Variants in RAB11FIP1 observed in about 807,000 individuals in gnomAD.
The protein encoded by RAB11FIP1 is rab11 family-interacting protein 1.
A neutral mutation model predicts 83.1 loss-of-function variants in RAB11FIP1; 49 were observed. That is an observed-to-expected ratio of 0.59 (90% CI 0.47 to 0.75). The LOEUF (loss-of-function observed/expected upper bound fraction) is 0.75, where lower values mean the gene tolerates loss of function less well. RAB11FIP1 is among the 30% of genes least tolerant of loss of function. The pLI, the probability that RAB11FIP1 is intolerant of heterozygous loss-of-function variation, is 0.00. For synonymous variants in RAB11FIP1, 670 were observed against 656.0 expected, an observed-to-expected ratio of 1.02 and a Z score of -0.33; for missense variants, 1,536 against 1,598.7, an observed-to-expected ratio of 0.96 and a Z score of 0.67.
In RAB11FIP1 at chr8:37,862,999, C is replaced by T. The variant is rs61747433; in HGVS notation, c.3748G>A (p.Glu1250Lys). Residue 1250 changes from glutamate (E) to lysine (K), a missense_variant, in exon 6 of 6, where the codon GAG (glutamate) becomes AAG (lysine). Physicochemically the swap from Glu to Lys is moderately conservative, Grantham distance 56 (BLOSUM62 1). Coordinates refer to ENST00000330843, the MANE Select transcript of RAB11FIP1 (RefSeq NM_001002814.3). Reference protein sequence around the residue: ...TISKKEFQVRELEDYIDNLLV... With the variant: ...TISKKEFQVRKLEDYIDNLLV... ...AGGTTGTCAATGTAGTCTTCCAGCT[C>T]GCGGACCTGGAACTCCTTCTTGCTT... is the stretch of plus-strand genomic sequence containing the variant. 29 of 1,613,638 alleles carry T rather than the reference C, an allele frequency of 1.8e-5. No homozygotes were observed. In the African/African-American group the frequency reaches 2.8e-4, roughly 16 times the overall value.
At position 37,874,842 on chromosome 8, in the gene RAB11FIP1, C is replaced by T; in HGVS notation, c.1295G>A (p.Arg432Lys). 6 of 1,614,200 alleles carry T rather than the reference C, an allele frequency of 3.7e-6. No homozygotes were observed. The highest frequency in any genetic ancestry group is 4.2e-6 in the Non-Finnish European group (5 of 1,180,028). Residue 432 changes from arginine (R) to lysine (K), a missense_variant, in exon 3 of 6, where the codon AGG becomes AAG. Physicochemically the swap from Arg to Lys is conservative, Grantham distance 26 (BLOSUM62 2). Transcript: ENST00000330843. ...EAKESKKPES[R>K]RSSLLSLMTG... is the part of the protein sequence containing the mutation. ...CATCAGAGACAGCAAAGAGGACCTC[C>T]TGCTCTCTGGCTTCTTGCTCTCCTT...
intron 5 of RAB11FIP1, among the ~76,000 whole-genome samples, chr8:37,865,341 A>G (rs1429823973): frequency 7.0e-6 from 1 of 142,734 alleles, no homozygotes; most frequent in African/African-American, 2.6e-5. Flanking sequence ...TTTTTTTGAG[A>G]CAGATTCTCA....
At chr8:37,885,759 C>T (rs551754734) in intron 1 of RAB11FIP1, among the ~76,000 whole-genome samples, 1 of 152,208 alleles carries the variant, frequency 6.6e-6, no homozygotes, top group African/African-American at 2.4e-5. Flanking sequence ...TGCCTGCATC[C>T]ATACTGTGAA....
intron 5 of RAB11FIP1, among the ~76,000 whole-genome samples, chr8:37,866,292 G>A (rs1319112724): frequency 1.3e-5 from 2 of 151,260 alleles, no homozygotes; most frequent in Non-Finnish European, 2.9e-5. Flanking sequence ...CCAAGATCGT[G>A]CCACTGCACT....
chr8:37,872,407 G>C lies in RAB11FIP1; in HGVS notation c.2395C>G (p.Arg799Gly), dbSNP rs200221818. ...RKLEEMGLNL[R>G]KDQKKTKKRV... Reference sequence around the variant, plus strand: ...TTCTTGGTTTTCTTCTGGTCCTTGCGGAGGTTCAGACCCATCTCTTCCAGC... The same window carrying C: ...TTCTTGGTTTTCTTCTGGTCCTTGCCGAGGTTCAGACCCATCTCTTCCAGC... Residue 799 changes from arginine to glycine, a missense_variant, in exon 4 of 6, where the codon CGC becomes GGC. Coordinates refer to ENST00000330843, the MANE Select transcript of RAB11FIP1 (RefSeq NM_001002814.3). 12 of 1,614,108 alleles carry C rather than the reference G, an allele frequency of 7.4e-6. No homozygotes were observed. The highest frequency in any genetic ancestry group is 1.0e-5 in the Non-Finnish European group (12 of 1,180,012).
intron 4 of RAB11FIP1, chr8:37,871,066 A>T (rs752012654): frequency 1.7e-6 from 1 of 579,166 alleles, no homozygotes; most frequent in Non-Finnish European, 2.9e-6. Flanking sequence ...ACAATTCCTA[A>T]GCTATATTTA....
chr8:37,885,043 G>A lies in RAB11FIP1; in HGVS notation c.372-7492C>T, dbSNP rs569563288. On this transcript the variant is annotated intron_variant, in intron 1 of 5. Coordinates refer to ENST00000330843, the MANE Select transcript of RAB11FIP1 (RefSeq NM_001002814.3). ...GGAGTCTCACCGTGTTGCACAGGCT[G>A]GAGTGCAGTGGCGTGATCTCGGCTC... 2.3e-4 allele frequency among the ~76,000 whole-genome samples: 35 copies of A among 149,844 alleles called. No individual in the cohort carries two copies. In the South Asian group the frequency reaches 7.2e-3, roughly 31 times the overall value.
rs572628659 is a variant in RAB11FIP1, at chr8:37,887,074, T to C, written c.372-9523A>G. Among the ~76,000 whole-genome samples the C allele has an allele frequency of 3.1e-3, 468 of 152,272 alleles. 5 individuals carry two copies. Among genetic ancestry groups the C allele is most frequent in the African/African-American group, 0.011 (454 of 41,558 alleles). Reference sequence around the variant, plus strand: ...GAATTACCCATCAGCCGACATTGCCTCCCTAGACCTTGCCCTCTGCCCATT... The same window carrying C: ...GAATTACCCATCAGCCGACATTGCCCCCCTAGACCTTGCCCTCTGCCCATT... On this transcript the variant is annotated intron_variant, in intron 1 of 5. Transcript: ENST00000330843.
At position 37,873,275 on chromosome 8, in the gene RAB11FIP1, C is replaced by A. The variant is rs117958640; in HGVS notation, c.1623-96G>T. The A allele has an allele frequency of 3.0e-6, 4 of 1,317,360 alleles. No individual in the cohort carries two copies. The African/African-American group carries it at 4.4e-5, about 15-fold the overall frequency. The allele number at this position is 1,317,360 out of a possible 1,614,324, so 81.6% of individuals were successfully genotyped here. A position where few individuals can be genotyped will look rare whatever the true frequency, so the allele number is the denominator to read the frequency against. On this transcript the variant is annotated intron_variant, in intron 3 of 5. Transcript: ENST00000330843. Reference sequence around the variant, plus strand: ...AAACAAGTCATTCACCAGGGGAGAACGTCTTTACACGTGGGGCAGTACCTT... The same window carrying A: ...AAACAAGTCATTCACCAGGGGAGAAAGTCTTTACACGTGGGGCAGTACCTT...
In RAB11FIP1 at chr8:37,870,451, C is replaced by A. The variant is rs773396449; in HGVS notation, c.3602G>T (p.Ser1201Ile). Residue 1201 changes from serine (S) to isoleucine (I), a missense_variant, in exon 5 of 6, where the codon AGT becomes ATT. Transcript: ENST00000330843. ...CATGACCTCATTGTTCAAGTTCTCA[C>A]TGATGATGGTGGCAGTTCCCAAGCT... The part of the protein sequence containing the change: ...NCSLGTATII[S>I]ENLNNEVMMK... 4.3e-6 allele frequency: 7 copies of A among 1,610,452 alleles called. No individual in the cohort carries two copies. In the Admixed American group the frequency reaches 5.0e-5, roughly 12 times the overall value.
intron 1 of RAB11FIP1, among the ~76,000 whole-genome samples, chr8:37,892,630 A>G (rs1585448674): frequency 1.3e-5 from 2 of 152,064 alleles, no homozygotes; most frequent in African/African-American, 4.8e-5. Flanking sequence ...TACTTTTAGT[A>G]GAGCCCATGT....
rs1585423554 is a variant in RAB11FIP1 at position 37,860,829 on chromosome 8, G to C, written c.*2066C>G. ...ATTAAAAGCTAATTAGATAAATCAA[G>C]TTACAGTATCATCCTTCAGATTAAA... is the stretch of plus-strand genomic sequence containing the variant. On this transcript the variant is annotated 3_prime_UTR_variant, in exon 6 of 6. Coordinates refer to ENST00000330843, the MANE Select transcript of RAB11FIP1 (RefSeq NM_001002814.3). The C allele has an allele frequency of 6.6e-6, 1 of 152,612 alleles. No homozygotes were observed. Among genetic ancestry groups the C allele is most frequent in the Admixed American group, 6.5e-5 (1 of 15,280 alleles). 9.5% of individuals were successfully genotyped at this position (152,612 alleles called of 1,614,324 possible). A position where few individuals can be genotyped will look rare whatever the true frequency, so the allele number is the denominator to read the frequency against.
rs1400536550 is a variant in RAB11FIP1 at position 37,872,464 on chromosome 8, A to G, written c.2338T>C (p.Ser780Pro). ...ATCATGGAATCAATGGAAGGGACTGATGCTCCCATGGGAAGAGGGGGCGCC... is the reference window on the plus strand; with the variant it reads ...ATCATGGAATCAATGGAAGGGACTGGTGCTCCCATGGGAAGAGGGGGCGCC... ...EVAPPLPMGA[S>P]VPSIDSMMRK... Residue 780 changes from serine to proline, a missense_variant, in exon 4 of 6, where the codon TCA becomes CCA. Coordinates refer to ENST00000330843, the MANE Select transcript of RAB11FIP1 (RefSeq NM_001002814.3). The G allele has an allele frequency of 6.2e-7, 1 of 1,614,112 alleles. No individual in the cohort carries two copies. Among genetic ancestry groups the G allele is most frequent in the South Asian group, 1.1e-5 (1 of 91,084 alleles).
chr8:37,870,505 T>C lies in RAB11FIP1; in HGVS notation c.3548A>G (p.Asn1183Ser). 1 of 1,591,858 alleles carries C rather than the reference T, an allele frequency of 6.3e-7. No individual in the cohort carries two copies. The highest frequency in any genetic ancestry group is 1.1e-5 in the South Asian group (1 of 90,392). ...KHRLHPVKPM[N>S]AMATKVANCS... ...GTTAGCAACCTTGGTGGCCATTGCA[T>C]TCATTGGCTTCACAGGATGAAGTCT... Residue 1183 changes from asparagine (N) to serine (S), a missense_variant, in exon 5 of 6, where the codon AAT becomes AGT. Asn to Ser is a conservative substitution (Grantham distance 46). Transcript: ENST00000330843.
intron 4 of RAB11FIP1, 135 bp from the exon 5 acceptor site, chr8:37,870,663 A>C: frequency 1.7e-6 from 1 of 573,108 alleles, no homozygotes; most frequent in Non-Finnish European, 3.1e-6. Flanking sequence ...TCTGGGCCAA[A>C]GCACTCCAAT....
At chr8:37,886,750 T>C (rs369659174) in intron 1 of RAB11FIP1, among the ~76,000 whole-genome samples, 7 of 152,230 alleles carry the variant, frequency 4.6e-5, no homozygotes, top group South Asian at 4.1e-4. Context: ...CTTTCTTAGA[T>C]GAAGAAATTT....
At position 37,877,447 on chromosome 8, in the gene RAB11FIP1, T is replaced by A. The variant is rs766404618; in HGVS notation, c.476A>T (p.Asp159Val). The change falls in exon 2 of 6, where the codon GAC becomes GTC. Residue 159 changes from aspartate (D) to valine (V), a missense_variant. Physicochemically the swap from Asp to Val is radical, Grantham distance 152. Coordinates refer to ENST00000330843, the MANE Select transcript of RAB11FIP1 (RefSeq NM_001002814.3). ...MRNNMTASMF[D>V]LSMKDKSRNP... The stretch of plus-strand genomic sequence containing the variant: ...CCGAGACTTGTCTTTCATAGAAAGG[T>A]CAAACATGCTGGCAGTCATGTTGTT... 1.2e-6 allele frequency: 2 copies of A among 1,613,940 alleles called. No homozygotes were observed. Among genetic ancestry groups the A allele is most frequent in the Admixed American group, 3.3e-5 (2 of 60,010 alleles).
At position 37,872,320 on chromosome 8, in the gene RAB11FIP1, C is replaced by T. The variant is rs1332323368; in HGVS notation, c.2482G>A (p.Val828Met). Reference protein sequence around the residue: ...EEAVAGAALLVEGHSSCPQEL... With the variant: ...EEAVAGAALLMEGHSSCPQEL... ...TGGGGACAACTGCTGTGTCCTTCCA[C>T]CAGCAAGGCAGCCCCCGCCACTGCC... Residue 828 changes from valine (V) to methionine (M), a missense_variant, in exon 4 of 6, where the codon GTG becomes ATG. Coordinates refer to ENST00000330843, the MANE Select transcript of RAB11FIP1 (RefSeq NM_001002814.3). 5.0e-6 allele frequency: 8 copies of T among 1,614,090 alleles called. No individual in the cohort carries two copies. Among genetic ancestry groups the T allele is most frequent in the Non-Finnish European group, 5.1e-6 (6 of 1,179,974 alleles).
intron 3 of RAB11FIP1, among the ~76,000 whole-genome samples, chr8:37,873,737 G>T (rs1806535466): frequency 6.6e-6 from 1 of 152,142 alleles, no homozygotes; most frequent in African/African-American, 2.4e-5. Flanking sequence ...GTTTCTTGTG[G>T]TGATTAACAC....
Sources: allele counts gnomAD v4.1 joint callset (sites outside exome capture counted in the v4.1 genomes callset), GRCh38; gene constraint gnomAD v4.1.1; transcripts MANE v1.5; gene names NCBI Gene and HGNC (gene_info 2026-07-23, HGNC 2026-07-21).